DNAH7: variants seen among roughly 807,000 people sequenced by gnomAD.
The protein encoded by DNAH7 is axonemal beta dynein heavy chain 7.
DNAH7 carries 397 observed loss-of-function variants against 444.6 expected under a neutral mutation model. The observed-to-expected ratio is 0.89, with a 90% CI of 0.82 to 0.97. DNAH7 has a LOEUF of 0.97. DNAH7 is among the 50% of genes least tolerant of loss of function. The pLI is 0.00. For missense variants in DNAH7, 4,902 were observed against 4,800.8 expected (o/e 1.02, Z -0.62); for synonymous variants, 1,636 against 1,624.4 (o/e 1.01, Z -0.17).
intron 10 of DNAH7, among the ~76,000 whole-genome samples, chr2:196,010,194 G>A (rs1383524267): frequency 6.6e-6 from 1 of 151,012 alleles, no homozygotes; most frequent in Admixed American, 6.6e-5. Context: ...CAGCCACCCA[G>A]GCTGGAGTGC....
At position 195,872,450 on chromosome 2, in the gene DNAH7, AT is replaced by A. The variant is rs1700772929; in HGVS notation, c.6432del (p.Glu2144AspfsTer3). The A allele has an allele frequency of 1.9e-6, 3 of 1,591,662 alleles. No individual in the cohort carries two copies. In the African/African-American group the frequency reaches 4.0e-5, roughly 21 times the overall value. ...ACGATTTGTGTGGTCAAATCTAGAA[AT>A]TCATCTGGAAATTTATAACTTAAAA... Reference protein sequence around the residue: ...HLEICYKFPDEFLDLTTQIVN... With the variant: ...HLEICYKFPDXFLDLTTQIVN... On this transcript the variant is annotated frameshift_variant, in exon 40 of 65. Coordinates refer to ENST00000312428, the MANE Select transcript of DNAH7 (RefSeq NM_018897.3). LOFTEE classifies it high-confidence loss of function.
chr2:195,949,484 T>G (rs1282798617), intron 19 of DNAH7, among the ~76,000 whole-genome samples: 1 of 152,098 alleles, frequency 6.6e-6, no homozygotes, highest in Admixed American at 6.5e-5. Context: ...GAGTTTCACC[T>G]TGTTGGTCAG....
intron 48 of DNAH7, among the ~76,000 whole-genome samples, chr2:195,825,514 C>T (rs181971952): frequency 2.4e-4 from 36 of 152,060 alleles, no homozygotes; most frequent in African/African-American, 8.7e-4. Flanking sequence ...CTTTTTTAAA[C>T]CAGTATTCAA....
intron 48 of DNAH7, among the ~76,000 whole-genome samples, chr2:195,827,701 C>T (rs1358170899): frequency 1.3e-5 from 2 of 152,088 alleles, no homozygotes; most frequent in East Asian, 1.9e-4. Flanking sequence ...CCACCTCAAC[C>T]TCACATAGGT....
At chr2:195,876,246 CT>C (rs200923852) in intron 37 of DNAH7, among the ~76,000 whole-genome samples, 1,682 of 152,140 alleles carry the variant, frequency 0.011, 36 homozygotes, top group East Asian at 0.067. Flanking sequence ...TGCTGAAGGT[CT>C]ACAAAAGCAA....
chr2:195,987,267 A>C, intron 13 of DNAH7, 74 bp from the exon 14 acceptor site: 4 of 1,185,732 alleles, frequency 3.4e-6, no homozygotes, highest in Non-Finnish European at 4.6e-6. Flanking sequence ...TGCCATTCTC[A>C]TAATTTTTAT....
chr2:196,059,513 G>T (rs62203393), intron 1 of DNAH7, among the ~76,000 whole-genome samples: 1 of 152,170 alleles, frequency 6.6e-6, no homozygotes, highest in African/African-American at 2.4e-5. Flanking sequence ...ATTATCATGG[G>T]TGCCAAGAAG....
intron 63 of DNAH7, among the ~76,000 whole-genome samples, chr2:195,746,925 C>T (rs568891961): frequency 1.3e-5 from 2 of 151,914 alleles, no homozygotes; most frequent in East Asian, 3.9e-4. Flanking sequence ...CCTAACATCA[C>T]AATTAAAAGA....
At chr2:195,809,407 T>A (rs932356885) in intron 52 of DNAH7, among the ~76,000 whole-genome samples, 6 of 152,240 alleles carry the variant, frequency 3.9e-5, no homozygotes, top group African/African-American at 1.2e-4. Flanking sequence ...CAGATTTCAG[T>A]AATTTGCACA....
intron 2 of DNAH7, among the ~76,000 whole-genome samples, chr2:196,056,623 C>G (rs1319765959): frequency 6.6e-6 from 1 of 152,004 alleles, no homozygotes; most frequent in East Asian, 1.9e-4. Flanking sequence ...CTTGACCCTC[C>G]TCAGGTGATC....
intron 41 of DNAH7, among the ~76,000 whole-genome samples, 199 bp from the exon 42 acceptor site, chr2:195,862,145 A>G (rs1051185029): frequency 1.3e-5 from 2 of 152,194 alleles, no homozygotes; most frequent in African/African-American, 4.8e-5. Flanking sequence ...GTTAGTGCAT[A>G]TAACATTCAC....
intron 45 of DNAH7, 94 bp downstream of exon 45, chr2:195,855,717 G>A (rs923880994): frequency 3.1e-5 from 43 of 1,368,562 alleles, no homozygotes; most frequent in Non-Finnish European, 4.0e-5. Flanking sequence ...TGACCAGGAA[G>A]GAAACAGGAC....
chr2:195,919,025 C>T (rs553615498), intron 24 of DNAH7, among the ~76,000 whole-genome samples: 9 of 152,116 alleles, frequency 5.9e-5, no homozygotes, highest in Admixed American at 2.0e-4. Flanking sequence ...CCGAGGCTGG[C>T]AGATCACGAG....
intron 27 of DNAH7, chr2:195,903,916 G>A (rs1686858010): frequency 1.3e-5 from 2 of 152,118 alleles, no homozygotes; most frequent in African/African-American, 2.4e-5. Context: ...CCTGACTCAT[G>A]TCTGAAAAAG....
chr2:196,003,787 C>G (rs749711697), intron 10 of DNAH7, among the ~76,000 whole-genome samples: 1 of 152,158 alleles, frequency 6.6e-6, no homozygotes, highest in Non-Finnish European at 1.5e-5. Flanking sequence ...TCTCCTTAAC[C>G]TCTAATTCAA....
At position 195,738,001 on chromosome 2, in the gene DNAH7, C is replaced by A; in HGVS notation, c.11995G>T (p.Ala3999Ser). ...TTGHSTNFVI[A>S]MTLPSDQPKE... ...GGTTGGTCAGAGGGAAGAGTCATGG[C>A]AATCACAAAATTCGTGGAATGGCCA... is the stretch of plus-strand genomic sequence containing the variant. Residue 3999 changes from alanine (A) to serine (S), a missense_variant, in exon 65 of 65, where the codon GCC becomes TCC. Physicochemically the swap from Ala to Ser is moderately conservative, Grantham distance 99 (BLOSUM62 1). Coordinates refer to ENST00000312428, the MANE Select transcript of DNAH7 (RefSeq NM_018897.3). The A allele has an allele frequency of 6.2e-7, 1 of 1,614,082 alleles. No individual in the cohort carries two copies. Among genetic ancestry groups the A allele is most frequent in the South Asian group, 1.1e-5 (1 of 91,084 alleles).
intron 10 of DNAH7, among the ~76,000 whole-genome samples, chr2:196,008,052 TCAA>T (rs949447586): frequency 7.2e-5 from 11 of 152,040 alleles, no homozygotes; most frequent in African/African-American, 2.7e-4. Context: ...CTCTTAAATC[TCAA>T]CAACAAAATA....
At chr2:196,024,756 G>A (rs1372680664) in intron 7 of DNAH7, among the ~76,000 whole-genome samples, 2 of 151,854 alleles carry the variant, frequency 1.3e-5, no homozygotes, top group Non-Finnish European at 2.9e-5. Flanking sequence ...TCATTTGAAA[G>A]GAATAATTGC....
At chr2:195,866,135 T>C (rs1272370802) in intron 40 of DNAH7, among the ~76,000 whole-genome samples, 1 of 152,218 alleles carries the variant, frequency 6.6e-6, no homozygotes, top group Non-Finnish European at 1.5e-5. Context: ...AATGTCTGCA[T>C]CAACTTCTTC....
Sources: gnomAD v4.1 joint callset for allele counts (sites outside exome capture counted in the v4.1 genomes callset) on GRCh38, gnomAD v4.1.1 for gene constraint, MANE v1.5 for transcripts, NCBI Gene and HGNC (gene_info 2026-07-23, HGNC 2026-07-21) for gene names.